The following PDE4A variants were observed in gnomAD, a reference collection of about 807,000 sequenced individuals.
The protein encoded by PDE4A is 3',5'-cyclic-AMP phosphodiesterase 4A.
In PDE4A, 21 loss-of-function variants were observed where a neutral mutation model predicts 73.9. That is an observed-to-expected ratio of 0.28 (90% CI 0.20 to 0.41). PDE4A has a LOEUF of 0.41. Ranked by LOEUF, PDE4A falls within the 10% of genes least tolerant of loss-of-function variation. The pLI is 1.00. For missense variants in PDE4A, 958 were observed against 1,211.4 expected (o/e 0.79, Z 3.10); for synonymous variants, 463 against 505.4 (o/e 0.92, Z 1.13).
At chr19:10,461,355 G>A (rs2043265620) in intron 11 of PDE4A, 171 bp from the exon 12 acceptor site, 2 of 958,578 alleles carry the variant, frequency 2.1e-6, no homozygotes, top group Non-Finnish European at 2.5e-6. Flanking sequence ...GGGGCTGGGG[G>A]CGGGGCTGGC....
chr19:10,467,571 T>C lies in PDE4A; in HGVS notation c.2611T>C (p.Ser871Pro). Residue 871 changes from serine to proline, a missense_variant, in exon 15 of 15, where the codon TCC becomes CCC. By Grantham distance (74) the Ser-to-Pro change is moderately conservative. Around this residue, in one of 3 missense-constraint regions of PDE4A, gnomAD observed 243 missense variants for 245.9 expected, o/e 0.99. Transcript: ENST00000380702. ...CGCAGGGACATTTGGGGAGGACACA[T>C]CCGCACTCCCAGCTCCTGGTGGCGG... ...ACAGTFGEDT[S>P]ALPAPGGGGS... The C allele has an allele frequency of 6.2e-7, 1 of 1,600,728 alleles. No homozygotes were observed. The highest frequency in any genetic ancestry group is 8.5e-7 in the Non-Finnish European group (1 of 1,171,804).
chr19:10,461,088 T>G lies in PDE4A; in HGVS notation c.1450T>G (p.Phe484Val). Residue 484 changes from phenylalanine (F) to valine (V), a missense_variant, in exon 11 of 15, where the codon TTC becomes GTC. This residue lies in a region of PDE4A where 570 missense variants were observed against 827.7 expected (regional missense o/e 0.69). Transcript: ENST00000380702. ...GGATCACCCTGGGGTCTCCAACCAG[T>G]TCCTCATCAACACCAGTGAGTGGCC... The part of the protein sequence containing the change: ...DVDHPGVSNQ[F>V]LINTNSELAL... 1 of 1,612,972 alleles carries G rather than the reference T, an allele frequency of 6.2e-7. No homozygotes were observed.
Position 10,438,321 on chromosome 19 carries a change from C to T in PDE4A, c.321-7897C>T, listed in dbSNP as rs187647600. Among the ~76,000 whole-genome samples, 110 of 151,624 alleles carry T rather than the reference C, an allele frequency of 7.3e-4. 1 individual carries two copies. Among genetic ancestry groups the T allele is most frequent in the African/African-American group, 2.6e-3 (109 of 41,294 alleles). ...AGAGACGGGGTTTCATCATGTTGGCCGGGATGGTCTCGCTCTCCTGACCTT... is the reference window on the plus strand; with the variant it reads ...AGAGACGGGGTTTCATCATGTTGGCTGGGATGGTCTCGCTCTCCTGACCTT... On this transcript the variant is annotated intron_variant, in intron 1 of 14. Transcript: ENST00000380702.
intron 1 of PDE4A, chr19:10,428,808 G>A: frequency 1.0e-6 from 1 of 985,454 alleles, no homozygotes; most frequent in Non-Finnish European, 1.2e-6. Flanking sequence ...CACTAGAGAA[G>A]GAAGGATATT....
At chr19:10,417,450 C>T (rs557705917), upstream of PDE4A, 1 of 983,272 alleles carries the variant, frequency 1.0e-6, no homozygotes, top group African/African-American at 1.8e-5. Context: ...GGGGACCCCA[C>T]AAAAATTATG....
chr19:10,461,637 G>T lies in PDE4A; in HGVS notation c.1577G>T (p.Ser526Ile). The T allele has an allele frequency of 2.0e-6, 3 of 1,477,626 alleles. No individual in the cohort carries two copies. The highest frequency in any genetic ancestry group is 2.7e-6 in the Non-Finnish European group (3 of 1,096,376). The allele number at this position is 1,477,626 out of a possible 1,614,324, so 91.5% of individuals were successfully genotyped here. The change falls in exon 12 of 15, where the codon AGC becomes ATC. Residue 526 changes from serine to isoleucine, a missense_variant. Coordinates refer to ENST00000380702, the MANE Select transcript of PDE4A (RefSeq NM_001111307.2). Reference protein sequence around the residue: ...EDNCDIFQNLSKRQRQSLRKM... With the variant: ...EDNCDIFQNLIKRQRQSLRKM... Reference sequence around the variant, plus strand: ...AACTGCGACATCTTCCAGAACCTCAGCAAGCGCCAGCGGCAGAGCCTACGC... The same window carrying T: ...AACTGCGACATCTTCCAGAACCTCATCAAGCGCCAGCGGCAGAGCCTACGC...
chr19:10,464,641 C>T (rs1852902462), intron 14 of PDE4A, among the ~76,000 whole-genome samples: 2 of 152,010 alleles, frequency 1.3e-5, no homozygotes, highest in African/African-American at 4.8e-5. Flanking sequence ...TTGTCTTGAA[C>T]TCCTGGGCTC....
rs761201612 is a variant in PDE4A, at chr19:10,467,235, G to A, written c.2275G>A (p.Glu759Lys). Residue 759 changes from glutamate to lysine, a missense_variant, in exon 15 of 15, where the codon GAG becomes AAG. Glu to Lys is a moderately conservative substitution (Grantham distance 56). Coordinates refer to ENST00000380702, the MANE Select transcript of PDE4A (RefSeq NM_001111307.2). ...TIAWEASPAQ[E>K]SLEVMAQEAS... ...AGCCTGGGAGGCATCCCCGGCCCAGGAGTCGTTGGAAGTTATGGCACAGGA... is the reference window on the plus strand; with the variant it reads ...AGCCTGGGAGGCATCCCCGGCCCAGAAGTCGTTGGAAGTTATGGCACAGGA... 2 of 1,614,216 alleles carry A rather than the reference G, an allele frequency of 1.2e-6. No individual in the cohort carries two copies. The highest frequency in any genetic ancestry group is 1.3e-5 in the African/African-American group (1 of 75,056).
At chr19:10,450,682 C>A (rs373795754) in intron 5 of PDE4A, 30 bp downstream of exon 5, 32 of 1,595,354 alleles carry the variant, frequency 2.0e-5, no homozygotes, top group African/African-American at 9.4e-5. Context: ...TGGGAAGGGG[C>A]CCCCCTTGCT....
chr19:10,459,048 T>C (rs1568381918), intron 8 of PDE4A: 1 of 284,974 alleles, frequency 3.5e-6, no homozygotes, highest in Non-Finnish European at 6.9e-6. Context: ...TGAGCTGTGC[T>C]GGGGCCAGTC....
At chr19:10,431,226 C>T in intron 1 of PDE4A, 1 of 592,288 alleles carries the variant, frequency 1.7e-6, no homozygotes, top group East Asian at 3.5e-5. Context: ...CATCCCTGAC[C>T]GCCAGGGTTG....
chr19:10,422,477 G>A (rs2042663798), intron 1 of PDE4A, among the ~76,000 whole-genome samples: 1 of 152,112 alleles, frequency 6.6e-6, no homozygotes, highest in Admixed American at 6.5e-5. Context: ...GTGCTCCAGC[G>A]ATGTGTGCAA....
In PDE4A at chr19:10,453,856, G is replaced by A. The variant is rs114642094; in HGVS notation, c.784-973G>A. On this transcript the variant is annotated intron_variant, in intron 6 of 14. Transcript: ENST00000380702. The surrounding 1 kb of genome is among the most constrained non-coding windows in gnomAD (Gnocchi z 4.6). Reference sequence around the variant, plus strand: ...TTTTGTGGGTCCATCTTGTGTGGATGTGTGTGTCTCTGTACCCAGGGTCTC... The same window carrying A: ...TTTTGTGGGTCCATCTTGTGTGGATATGTGTGTCTCTGTACCCAGGGTCTC... 4.1e-3 allele frequency among the ~76,000 whole-genome samples: 623 copies of A among 152,214 alleles called. 6 individuals are homozygous for A. Among genetic ancestry groups the A allele is most frequent in the African/African-American group, 0.014 (584 of 41,512 alleles).
chr19:10,462,789 C>T (rs2043295437), intron 13 of PDE4A, among the ~76,000 whole-genome samples: 1 of 152,138 alleles, frequency 6.6e-6, no homozygotes, highest in Admixed American at 6.6e-5. Flanking sequence ...ACCCCCCTTC[C>T]GACTCCTCCC....
intron 13 of PDE4A, among the ~76,000 whole-genome samples, chr19:10,462,622 T>G (rs1305788867): frequency 6.6e-6 from 1 of 151,758 alleles, no homozygotes; most frequent in African/African-American, 2.4e-5. Context: ...ACACCTGACC[T>G]CTTTCTGTCT....
Position 10,460,999 on chromosome 19 carries a change from C to T in PDE4A, c.1366-5C>T. On this transcript the variant is annotated splice_region_variant and splice_polypyrimidine_tract_variant and intron_variant, in intron 10 of 14. Transcript: ENST00000380702. Reference sequence around the variant, plus strand: ...TTATTCTAACATCCGTGTCTCTGCTCCCAGGCAGTGTTCACGGACCTGGAG... The same window carrying T: ...TTATTCTAACATCCGTGTCTCTGCTTCCAGGCAGTGTTCACGGACCTGGAG... The T allele has an allele frequency of 6.2e-7, 1 of 1,611,186 alleles. No individual in the cohort carries two copies. Among genetic ancestry groups the T allele is most frequent in the Non-Finnish European group, 8.5e-7 (1 of 1,177,850 alleles).
At chr19:10,425,908 G>A (rs1224649887) in intron 1 of PDE4A, among the ~76,000 whole-genome samples, 3 of 148,166 alleles carry the variant, frequency 2.0e-5, no homozygotes, top group Admixed American at 6.8e-5. Flanking sequence ...AATTGGTTGA[G>A]CCTGGAAGGC....
chr19:10,450,282 A>T (rs1238064176), intron 4 of PDE4A, among the ~76,000 whole-genome samples: 1 of 152,132 alleles, frequency 6.6e-6, no homozygotes, highest in African/African-American at 2.4e-5. Flanking sequence ...TGGGGGATAG[A>T]GACATCCTTA....
chr19:10,445,033 A>AG (rs1336761027), intron 1 of PDE4A, among the ~76,000 whole-genome samples: 1 of 152,030 alleles, frequency 6.6e-6, no homozygotes, highest in Non-Finnish European at 1.5e-5. Context: ...AGAATGAGTG[A>AG]GGGGGGAAGG....
Sources: allele counts gnomAD v4.1 joint callset (sites outside exome capture counted in the v4.1 genomes callset), GRCh38; gene constraint gnomAD v4.1.1; regional missense constraint gnomAD v4.1.1; non-coding constraint Gnocchi (gnomAD v3.1); transcripts MANE v1.5; gene names NCBI Gene and HGNC (gene_info 2026-07-23, HGNC 2026-07-21).